ITGB6: variants seen among roughly 807,000 people sequenced by gnomAD.
ITGB6 encodes the protein integrin subunit beta 6, also known as integrin beta-6.
ITGB6 carries 80 observed loss-of-function variants against 84.5 expected under a neutral mutation model. The ratio of observed to expected loss-of-function variants is 0.95; its 90% CI spans 0.79 to 1.14. ITGB6 has a LOEUF of 1.14. Ranked by LOEUF, ITGB6 falls within the 50% of genes most tolerant of loss-of-function variation. The pLI is 0.00. For synonymous variants in ITGB6, 383 were observed against 354.9 expected (o/e 1.08, Z -0.89); for missense variants, 1,006 against 968.0 (o/e 1.04, Z -0.52).
intron 7 of ITGB6, 116 bp downstream of exon 7, chr2:160,169,096 G>T: frequency 3.2e-6 from 2 of 630,120 alleles, no homozygotes; most frequent in Non-Finnish European, 2.8e-6. Context: ...CAGTACATTT[G>T]GTGTGTGTTA....
Position 160,195,535 on chromosome 2 carries a change from C to A in ITGB6, c.427G>T (p.Ala143Ser). Residue 143 changes from alanine (A) to serine (S), a missense_variant, in exon 4 of 15, where the codon GCC (alanine) becomes TCC (serine). Ala to Ser is a moderately conservative substitution (Grantham distance 99). Coordinates refer to ENST00000283249, the MANE Select transcript of ITGB6 (RefSeq NM_000888.5). ...VDLYYLMDLS[A>S]SMDDDLNTIK... Reference sequence around the variant, plus strand: ...GTGTTGAGGTCGTCATCCATGGAGGCGGAGAGGTCCATGAGGTAATACAAA... The same window carrying A: ...GTGTTGAGGTCGTCATCCATGGAGGAGGAGAGGTCCATGAGGTAATACAAA... 2 of 1,614,028 alleles carry A rather than the reference C, an allele frequency of 1.2e-6. No individual in the cohort carries two copies. The highest frequency in any genetic ancestry group is 8.5e-7 in the Non-Finnish European group (1 of 1,179,952).
At chr2:160,191,710 G>A (rs1686150648) in intron 4 of ITGB6, among the ~76,000 whole-genome samples, 2 of 152,014 alleles carry the variant, frequency 1.3e-5, no homozygotes, top group Admixed American at 6.6e-5. Flanking sequence ...CATAGATATT[G>A]GAGGAAAAAG....
Position 160,137,658 on chromosome 2 carries a change from C to G in ITGB6, c.1436G>C (p.Cys479Ser). ...HGNGSFQCGV[C>S]ACHPGHMGPR... is the part of the protein sequence containing the mutation. ...CCCCATGTGGCCAGGGTGGCAGGCA[C>G]ACACCCCACACTGGAAAGAGCCGTT... Residue 479 changes from cysteine (C) to serine (S), a missense_variant, in exon 10 of 15, where the codon TGT (cysteine) becomes TCT (serine). By Grantham distance (112) the Cys-to-Ser change is moderately radical. Transcript: ENST00000283249. 6.2e-7 allele frequency: 1 copy of G among 1,614,226 alleles called. No homozygotes were observed. Among genetic ancestry groups the G allele is most frequent in the South Asian group, 1.1e-5 (1 of 91,088 alleles).
intron 10 of ITGB6, among the ~76,000 whole-genome samples, chr2:160,134,233 A>G (rs1201734631): frequency 6.6e-6 from 1 of 152,224 alleles, no homozygotes; most frequent in Non-Finnish European, 1.5e-5. Flanking sequence ...ATCACCACTG[A>G]TCCCACAGAA....
chr2:160,171,329 A>ATT (rs33951758), intron 6 of ITGB6, among the ~76,000 whole-genome samples: 4,155 of 123,464 alleles, frequency 0.034, 252 homozygotes, highest in Non-Finnish European at 0.049. Flanking sequence ...AATCAAATTT[A>ATT]TTTTTTTATT....
At position 160,155,130 on chromosome 2, in the gene ITGB6, G is replaced by A. The variant is rs138263573; in HGVS notation, c.1018-13059C>T. Among the ~76,000 whole-genome samples the A allele has an allele frequency of 1.4e-3, 207 of 152,274 alleles. 1 individual carries two copies. Among genetic ancestry groups the A allele is most frequent in the African/African-American group, 4.7e-3 (194 of 41,562 alleles). On this transcript the variant is annotated intron_variant, in intron 7 of 14. Transcript: ENST00000283249. Reference sequence around the variant, plus strand: ...CACAGCCATGCTTCCTGTACAGCCTGCAGAACTCTGAGTCAATTAAACCTC... The same window carrying A: ...CACAGCCATGCTTCCTGTACAGCCTACAGAACTCTGAGTCAATTAAACCTC...
At chr2:160,121,775 A>C (rs1270744906) in intron 12 of ITGB6, among the ~76,000 whole-genome samples, 1 of 59,472 alleles carries the variant, frequency 1.7e-5, no homozygotes, top group East Asian at 4.7e-4. Flanking sequence ...CTCAAAAAAA[A>C]AGAAAAAAAA....
chr2:160,117,579 A>G (rs1267832342), intron 12 of ITGB6, among the ~76,000 whole-genome samples: 1 of 152,202 alleles, frequency 6.6e-6, no homozygotes, highest in Non-Finnish European at 1.5e-5. Flanking sequence ...TCCAAAACTG[A>G]CACCCTAACA....
chr2:160,111,994 C>A (rs1157978392), intron 13 of ITGB6, 86 bp downstream of exon 13: 24 of 1,347,198 alleles, frequency 1.8e-5, no homozygotes, highest in Middle Eastern at 3.7e-4. Context: ...TCTTTCCTGG[C>A]ATGCTACCCA....
At chr2:160,112,007 G>A (rs566147346) in intron 13 of ITGB6, 73 bp downstream of exon 13, 476 of 1,468,216 alleles carry the variant, frequency 3.2e-4, no homozygotes, top group Non-Finnish European at 4.1e-4. Context: ...GCTACCCAGA[G>A]CGATTTTCTG....
Position 160,199,263 on chromosome 2 carries a change from G to T in ITGB6, c.62-5C>A, listed in dbSNP as rs576800112. ...CACCTCCCAGGGCACAGCCACCTAGGTTTAGACCCAGCAAGATGCAGGGAT... is the reference window on the plus strand; with the variant it reads ...CACCTCCCAGGGCACAGCCACCTAGTTTTAGACCCAGCAAGATGCAGGGAT... On this transcript the variant is annotated splice_polypyrimidine_tract_variant and splice_region_variant and intron_variant, in intron 1 of 14. Transcript: ENST00000283249. The T allele has an allele frequency of 5.0e-6, 8 of 1,612,714 alleles. No homozygotes were observed. The highest frequency in any genetic ancestry group is 4.0e-5 in the African/African-American group (3 of 74,896).
At chr2:160,170,862 C>T (rs2105865596) in intron 6 of ITGB6, among the ~76,000 whole-genome samples, 1 of 152,236 alleles carries the variant, frequency 6.6e-6, no homozygotes, top group Middle Eastern at 3.4e-3. Flanking sequence ...ATGAACCTGC[C>T]TCGTTCAAAA....
intron 11 of ITGB6, among the ~76,000 whole-genome samples, chr2:160,125,063 ACTCT>A (rs1480130729): frequency 1.3e-5 from 2 of 152,010 alleles, no homozygotes; most frequent in East Asian, 3.9e-4. Context: ...GTTCCATAGC[ACTCT>A]CTATTTCCCC....
intron 12 of ITGB6, among the ~76,000 whole-genome samples, chr2:160,114,713 C>T (rs953907994): frequency 6.6e-6 from 1 of 152,210 alleles, no homozygotes; most frequent in Non-Finnish European, 1.5e-5. Flanking sequence ...CATTGCCTCA[C>T]TCGGGAAGCA....
intron 6 of ITGB6, among the ~76,000 whole-genome samples, chr2:160,170,908 A>T (rs1417363105): frequency 6.6e-6 from 1 of 152,218 alleles, no homozygotes; most frequent in African/African-American, 2.4e-5. Context: ...AAGTTGCAAG[A>T]AAAGGGTAAT....
At chr2:160,173,241 A>T (rs1559195623) in intron 5 of ITGB6, among the ~76,000 whole-genome samples, 1 of 152,228 alleles carries the variant, frequency 6.6e-6, no homozygotes, top group Non-Finnish European at 1.5e-5. Context: ...TGCTTATGAA[A>T]GTATGGCCCG....
At chr2:160,184,752 C>A (rs144470318) in intron 4 of ITGB6, among the ~76,000 whole-genome samples, 14,380 of 152,180 alleles carry the variant, frequency 0.094, 1,092 homozygotes, top group East Asian at 0.32. Context: ...CAAACCGAAT[C>A]CAGCAGCACA....
In ITGB6 at chr2:160,119,273, A is replaced by C. The variant is rs533850578; in HGVS notation, c.1981+4518T>G. 5.6e-3 allele frequency among the ~76,000 whole-genome samples: 857 copies of C among 152,362 alleles called. 10 individuals carry two copies. The highest frequency in any genetic ancestry group is 0.019 in the African/African-American group (803 of 41,574). On this transcript the variant is annotated intron_variant, in intron 12 of 14. Transcript: ENST00000283249. The stretch of plus-strand genomic sequence containing the variant: ...CTACCTGACTTCAAACTATACTACA[A>C]GGCTACAGTAACCAAAACAGCATGG...
chr2:160,110,067 T>G (rs1469684135), intron 13 of ITGB6, among the ~76,000 whole-genome samples: 3 of 152,236 alleles, frequency 2.0e-5, no homozygotes, highest in African/African-American at 7.2e-5. Flanking sequence ...CTAACAGTTC[T>G]GTCGGATGAT....
Sources: gnomAD v4.1 joint callset for allele counts (sites outside exome capture counted in the v4.1 genomes callset) on GRCh38, gnomAD v4.1.1 for gene constraint, MANE v1.5 for transcripts, NCBI Gene and HGNC (gene_info 2026-07-23, HGNC 2026-07-21) for gene names.